Variants in EFNA5 observed in about 807,000 individuals in gnomAD.
The protein encoded by EFNA5 is ephrin-A5.
In EFNA5, 5 loss-of-function variants were observed where a neutral mutation model predicts 22.9. That is an observed-to-expected ratio of 0.22 (90% CI 0.11 to 0.46). The LOEUF is 0.46. EFNA5 is among the 20% of genes least tolerant of loss of function. EFNA5 has a pLI of 0.99. For synonymous variants in EFNA5, 113 were observed against 112.2 expected (o/e 1.01, Z -0.04); for missense variants, 237 against 293.3 (o/e 0.81, Z 1.40).
At chr5:107,516,269 C>T (rs964967049) in intron 1 of EFNA5, among the ~76,000 whole-genome samples, 4 of 151,368 alleles carry the variant, frequency 2.6e-5, no homozygotes, top group African/African-American at 9.7e-5. Flanking sequence ...AAACCCTGGC[C>T]TTAAGCAATC....
intron 1 of EFNA5, among the ~76,000 whole-genome samples, chr5:107,541,745 T>C (rs1409034138): frequency 3.3e-5 from 5 of 152,230 alleles, no homozygotes; most frequent in Non-Finnish European, 5.9e-5. Flanking sequence ...GATTTTATAC[T>C]TGATAAGAGG....
intron 1 of EFNA5, among the ~76,000 whole-genome samples, chr5:107,564,631 G>GTT (rs34585445): frequency 0.05 from 5,752 of 114,778 alleles, 377 homozygotes; most frequent in African/African-American, 0.17. Context: ...TTGGGTTTTT[G>GTT]TTTTTTTTTT....
At chr5:107,483,696 G>A (rs552940650) in intron 1 of EFNA5, among the ~76,000 whole-genome samples, 1 of 152,314 alleles carries the variant, frequency 6.6e-6, no homozygotes, top group South Asian at 2.1e-4. Context: ...CTGCTCACAA[G>A]TATGACTTTT....
In EFNA5 at chr5:107,415,969, T is replaced by C. The variant is rs1748494559; in HGVS notation, c.418+11248A>G. ...AATATATCCACCAACGCCTACACTG[T>C]GCTATTGATTCTGTTAATGAAATTT... On this transcript the variant is annotated intron_variant, in intron 2 of 4. Transcript: ENST00000333274. 2.0e-5 allele frequency among the ~76,000 whole-genome samples: 3 copies of C among 152,196 alleles called. 1 individual carries two copies. The South Asian group carries it at 6.2e-4, about 32-fold the overall frequency.
At chr5:107,612,466 T>C (rs960806386) in intron 1 of EFNA5, among the ~76,000 whole-genome samples, 1 of 151,848 alleles carries the variant, frequency 6.6e-6, no homozygotes, top group Non-Finnish European at 1.5e-5. Context: ...AGCAAAACAC[T>C]GGTCAAGTAA....
intron 1 of EFNA5, among the ~76,000 whole-genome samples, chr5:107,666,515 A>G (rs1183474410): frequency 1.3e-5 from 2 of 152,176 alleles, no homozygotes; most frequent in African/African-American, 2.4e-5. Context: ...CAAGAATTGA[A>G]AAAGTCCAAA....
chr5:107,539,222 C>T (rs1029821993), intron 1 of EFNA5, among the ~76,000 whole-genome samples: 5 of 152,190 alleles, frequency 3.3e-5, no homozygotes, highest in South Asian at 2.1e-4. Context: ...ATTTAATTTA[C>T]GATGCTAAAA....
At chr5:107,394,271 C>T (rs574660607) in intron 2 of EFNA5, among the ~76,000 whole-genome samples, 2 of 152,140 alleles carry the variant, frequency 1.3e-5, no homozygotes, top group Admixed American at 6.5e-5. Flanking sequence ...CAGCCCACTG[C>T]GTCTCAAGAC....
chr5:107,609,987 T>C (rs1749796269), intron 1 of EFNA5, among the ~76,000 whole-genome samples: 1 of 152,138 alleles, frequency 6.6e-6, no homozygotes, highest in African/African-American at 2.4e-5. Context: ...ATGAGACAGA[T>C]AGGAATGTTC....
At chr5:107,486,907 T>C (rs555470709) in intron 1 of EFNA5, among the ~76,000 whole-genome samples, 4 of 152,192 alleles carry the variant, frequency 2.6e-5, no homozygotes, top group African/African-American at 7.2e-5. Context: ...AGTGTATTTA[T>C]ACTTTAGTTT....
chr5:107,566,872 A>G (rs1231829670), intron 1 of EFNA5, among the ~76,000 whole-genome samples: 1 of 152,250 alleles, frequency 6.6e-6, no homozygotes, highest in Non-Finnish European at 1.5e-5. Context: ...ATATGTCCTT[A>G]AATGCAATCC....
chr5:107,490,707 T>G lies in EFNA5; in HGVS notation c.126-63198A>C, dbSNP rs79996862. On this transcript the variant is annotated intron_variant, in intron 1 of 4. Transcript: ENST00000333274. ...TTGTCACTGCATAGGTAAAGGACACTGATACAGGTAAAGAAGTCTGCATGT... is the reference window on the plus strand; with the variant it reads ...TTGTCACTGCATAGGTAAAGGACACGGATACAGGTAAAGAAGTCTGCATGT... Among the ~76,000 whole-genome samples the G allele has an allele frequency of 4.5e-3, 690 of 152,282 alleles. 2 individuals are homozygous for G. Among genetic ancestry groups the G allele is most frequent in the African/African-American group, 0.016 (664 of 41,560 alleles).
At chr5:107,402,620 A>T (rs897008789) in intron 2 of EFNA5, among the ~76,000 whole-genome samples, 8 of 152,222 alleles carry the variant, frequency 5.3e-5, no homozygotes, top group African/African-American at 1.9e-4. Flanking sequence ...GGTAAGTTTC[A>T]CAGGCTTCCG....
At chr5:107,488,352 TTTAGA>T (rs1746701968) in intron 1 of EFNA5, among the ~76,000 whole-genome samples, 3 of 152,244 alleles carry the variant, frequency 2.0e-5, no homozygotes, top group Admixed American at 1.3e-4. Context: ...TTCAAGTCTA[TTTAGA>T]TTATTGTCTG....
intron 2 of EFNA5, among the ~76,000 whole-genome samples, chr5:107,397,277 G>A (rs368531617): frequency 6.6e-6 from 1 of 152,106 alleles, no homozygotes; most frequent in East Asian, 1.9e-4. Context: ...CAGGCTGGGC[G>A]TGGTGGCTCA....
intron 1 of EFNA5, among the ~76,000 whole-genome samples, chr5:107,533,263 T>A (rs200689317): frequency 7.9e-5 from 12 of 152,250 alleles, no homozygotes; most frequent in African/African-American, 2.9e-4. Context: ...AGCGGGGGGA[T>A]CTTTTTTTCA....
chr5:107,482,013 A>C (rs984872781), intron 1 of EFNA5, among the ~76,000 whole-genome samples: 31 of 152,168 alleles, frequency 2.0e-4, no homozygotes, highest in African/African-American at 7.5e-4. Flanking sequence ...AATGTGCTAC[A>C]TAAAAATAAA....
At chr5:107,495,935 T>C (rs1486923975) in intron 1 of EFNA5, among the ~76,000 whole-genome samples, 1 of 152,062 alleles carries the variant, frequency 6.6e-6, no homozygotes, top group African/African-American at 2.4e-5. Context: ...CCACCTCCTG[T>C]ACTGGCTTGA....
intron 1 of EFNA5, among the ~76,000 whole-genome samples, chr5:107,598,878 C>T (rs7737882): frequency 0.54 from 81,613 of 151,978 alleles, 24,651 homozygotes; most frequent in African/African-American, 0.8. Context: ...GACTGTGAAC[C>T]ATTTCTTTTG....
Sources: allele counts gnomAD v4.1 joint callset (sites outside exome capture counted in the v4.1 genomes callset), GRCh38; gene constraint gnomAD v4.1.1; transcripts MANE v1.5; gene names NCBI Gene and HGNC (gene_info 2026-07-23, HGNC 2026-07-21).